Variants in INVS observed in about 807,000 individuals in gnomAD.
INVS encodes inversion of embryo turning homolog.
In INVS, 86 loss-of-function variants were observed where a neutral mutation model predicts 108.8. The observed-to-expected ratio is 0.79, with a 90% CI of 0.66 to 0.95. INVS has a LOEUF of 0.95. Ranked by LOEUF, INVS falls within the 40% of genes least tolerant of loss-of-function variation. INVS has a pLI of 0.00. For synonymous variants in INVS, 455 were observed against 473.5 expected (o/e 0.96, Z 0.51); for missense variants, 1,169 against 1,297.4 (o/e 0.90, Z 1.52).
At chr9:100,141,183 T>C (rs930977889) in intron 3 of INVS, among the ~76,000 whole-genome samples, 1 of 152,088 alleles carries the variant, frequency 6.6e-6, no homozygotes, top group Admixed American at 6.5e-5. Flanking sequence ...ACAGTCCAAG[T>C]TGGTCTTGGA....
At chr9:100,126,183 A>C (rs958726543) in intron 2 of INVS, among the ~76,000 whole-genome samples, 200 bp from the exon 3 acceptor site, 1 of 152,234 alleles carries the variant, frequency 6.6e-6, no homozygotes, top group African/African-American at 2.4e-5. Flanking sequence ...CAGTGTGAAC[A>C]TAGACTGGTT....
chr9:100,103,166 T>C (rs2118814040), intron 1 of INVS, among the ~76,000 whole-genome samples: 1 of 152,234 alleles, frequency 6.6e-6, no homozygotes, highest in African/African-American at 2.4e-5. Flanking sequence ...ACTAATTTTT[T>C]TATTTTTTTC....
intron 3 of INVS, among the ~76,000 whole-genome samples, chr9:100,199,303 A>T (rs1395917343): frequency 6.6e-6 from 1 of 152,148 alleles, no homozygotes; most frequent in Non-Finnish European, 1.5e-5. Flanking sequence ...AGCATCTCTT[A>T]TAGACTTTCT....
intron 4 of INVS, among the ~76,000 whole-genome samples, chr9:100,227,676 G>C (rs1831374395): frequency 6.6e-6 from 1 of 150,756 alleles, no homozygotes; most frequent in Non-Finnish European, 1.5e-5. Flanking sequence ...ATGAAGAGAG[G>C]ATTCTTGTGC....
intron 3 of INVS, among the ~76,000 whole-genome samples, chr9:100,170,327 C>A (rs1241004430): frequency 2.7e-5 from 4 of 150,678 alleles, no homozygotes; most frequent in Non-Finnish European, 5.9e-5. Flanking sequence ...GAGACCAAGG[C>A]CAGAGGATCA....
Position 100,172,106 on chromosome 9 carries a change from T to TA in INVS, c.273+45568dup, listed in dbSNP as rs879262348. Among the ~76,000 whole-genome samples, 490 of 146,860 alleles carry TA rather than the reference T, an allele frequency of 3.3e-3. 3 individuals are homozygous for TA. Among genetic ancestry groups the TA allele is most frequent in the African/African-American group, 0.01 (411 of 40,382 alleles). ...CAAAATGATAAGGCCCTTGAGCATGTAAAAAAAAAAATGTATTCAAGCAGA... is the reference window on the plus strand; with the variant it reads ...CAAAATGATAAGGCCCTTGAGCATGTAAAAAAAAAAAATGTATTCAAGCAGA... On this transcript the variant is annotated intron_variant, in intron 3 of 16. Transcript: ENST00000262457.
chr9:100,153,216 A>G (rs1213460803), intron 3 of INVS, among the ~76,000 whole-genome samples: 1 of 151,908 alleles, frequency 6.6e-6, no homozygotes, highest in Non-Finnish European at 1.5e-5. Flanking sequence ...ATGGCTACAT[A>G]GTGATAAGAA....
chr9:100,104,657 T>C (rs1340282294), intron 2 of INVS, 30 bp downstream of exon 2: 3 of 1,429,526 alleles, frequency 2.1e-6, no homozygotes, highest in Non-Finnish European at 3.0e-6. Flanking sequence ...ACAGAAACTT[T>C]AAAAGCAACT....
chr9:100,145,429 G>A (rs78427252), intron 3 of INVS, among the ~76,000 whole-genome samples: 31,690 of 151,370 alleles, frequency 0.21, 5,650 homozygotes, highest in African/African-American at 0.49. Flanking sequence ...GGATTGGGGT[G>A]CAAAGATAAG....
chr9:100,104,588 G>A lies in INVS; in HGVS notation c.67G>A (p.Val23Ile), dbSNP rs145303373. Residue 23 changes from valine to isoleucine, a missense_variant, in exon 2 of 17, where the codon GTT becomes ATT. Around this residue, in one of 3 missense-constraint regions of INVS, gnomAD observed 365 missense variants for 397.5 expected, o/e 0.92. Transcript: ENST00000262457. Reference protein sequence around the residue: ...SLASQVHAAAVNGDKGALQRL... With the variant: ...SLASQVHAAAINGDKGALQRL... ...AGCATCACAAGTCCATGCTGCTGCCGTTAATGGAGATAAGGGTGCTCTACA... is the reference window on the plus strand; with the variant it reads ...AGCATCACAAGTCCATGCTGCTGCCATTAATGGAGATAAGGGTGCTCTACA... The A allele has an allele frequency of 3.3e-4, 527 of 1,614,066 alleles. 1 individual carries two copies. The highest frequency in any genetic ancestry group is 8.2e-4 in the Middle Eastern group (5 of 6,062).
chr9:100,249,842 C>T lies in INVS; in HGVS notation c.1079-2441C>T, dbSNP rs572711197. The stretch of plus-strand genomic sequence containing the variant: ...ACCTTAGGCCGAGCGTGGTAGCTCA[C>T]GCCTGTAATCCCAGCACTTTGGGAG... On this transcript the variant is annotated intron_variant, in intron 8 of 16. Coordinates refer to ENST00000262457, the MANE Select transcript of INVS (RefSeq NM_014425.5). Among the ~76,000 whole-genome samples, 14 of 151,716 alleles carry T rather than the reference C, an allele frequency of 9.2e-5. No individual in the cohort carries two copies. The South Asian group carries it at 2.3e-3, about 25-fold the overall frequency.
At chr9:100,236,184 C>T (rs1391642559) in intron 5 of INVS, among the ~76,000 whole-genome samples, 1 of 152,142 alleles carries the variant, frequency 6.6e-6, no homozygotes, top group African/African-American at 2.4e-5. Context: ...ACGAAGTTCT[C>T]GTGCTGTGTT....
chr9:100,145,710 C>T (rs1828585242), intron 3 of INVS, among the ~76,000 whole-genome samples: 1 of 152,088 alleles, frequency 6.6e-6, no homozygotes, highest in African/African-American at 2.4e-5. Context: ...GGTCAGACAC[C>T]TCTGAAACGT....
intron 2 of INVS, among the ~76,000 whole-genome samples, chr9:100,124,565 A>G (rs1032201949): frequency 1.4e-5 from 2 of 147,856 alleles, no homozygotes; most frequent in African/African-American, 5.1e-5. Flanking sequence ...AAAAAAAACT[A>G]AAGAGGTTAA....
At chr9:100,130,676 T>C (rs1160093202) in intron 3 of INVS, 1 of 152,196 alleles carries the variant, frequency 6.6e-6, no homozygotes, top group East Asian at 1.9e-4. Flanking sequence ...TCCCACTTAA[T>C]TCTGGTATCC....
chr9:100,196,260 C>G (rs1830370123), intron 3 of INVS, among the ~76,000 whole-genome samples: 1 of 152,128 alleles, frequency 6.6e-6, no homozygotes, highest in African/African-American at 2.4e-5. Flanking sequence ...CAAGGCCCCT[C>G]AGGAAGAAAT....
rs536078923 is a variant in INVS, at chr9:100,296,467, A to G, written c.2787-450A>G. On this transcript the variant is annotated intron_variant, in intron 14 of 16. Transcript: ENST00000262457. ...CTGACTTTCTGGCACAAATGCCTCTATCTATCTCTGCTGATGCCAGTTCTG... is the reference window on the plus strand; with the variant it reads ...CTGACTTTCTGGCACAAATGCCTCTGTCTATCTCTGCTGATGCCAGTTCTG... Among the ~76,000 whole-genome samples, 10 of 152,290 alleles carry G rather than the reference A, an allele frequency of 6.6e-5. No homozygotes were observed. In the South Asian group the frequency reaches 1.9e-3, roughly 28 times the overall value.
At chr9:100,182,045 G>A (rs1323565645) in intron 3 of INVS, among the ~76,000 whole-genome samples, 1 of 152,092 alleles carries the variant, frequency 6.6e-6, no homozygotes, top group Admixed American at 6.6e-5. Flanking sequence ...AATGGTGTTG[G>A]GAAAATGGCT....
rs55800849 is a variant in INVS at position 100,299,555 on chromosome 9, AACACACACACAC to A, written c.3092-989_3092-978del. ...TCAGCAGAGCCTTTTATTGACACACAACACACACACACACACACACACACACACACACACAGC... is the reference window on the plus strand; with the variant it reads ...TCAGCAGAGCCTTTTATTGACACACAACACACACACACACACACACACAGC... On this transcript the variant is annotated intron_variant, in intron 16 of 16. Coordinates refer to ENST00000262457, the MANE Select transcript of INVS (RefSeq NM_014425.5). Among the ~76,000 whole-genome samples the A allele has an allele frequency of 4.1e-3, 510 of 125,734 alleles. 1 individual carries two copies. The highest frequency in any genetic ancestry group is 0.013 in the African/African-American group (453 of 33,622). The allele number at this position is 125,734 out of a possible 152,430, so 82.5% of individuals were successfully genotyped here.
Sources: gnomAD v4.1 joint callset for allele counts (sites outside exome capture counted in the v4.1 genomes callset) on GRCh38, gnomAD v4.1.1 for gene constraint, gnomAD v4.1.1 regional missense constraint, MANE v1.5 for transcripts, NCBI Gene and HGNC (gene_info 2026-07-23, HGNC 2026-07-21) for gene names.